ZNF737: variants seen among roughly 807,000 people sequenced by gnomAD.
ZNF737 encodes the protein zinc finger protein 102 (Y3).
Under a neutral mutation model 11.7 loss-of-function variants are expected in ZNF737, and 13 were observed. That is an observed-to-expected ratio of 1.11 (90% CI 0.73 to 1.77). The LOEUF is 1.77. Ranked by LOEUF, ZNF737 falls within the 40% of genes most tolerant of loss-of-function variation. ZNF737 has a pLI of 0.00. For missense variants in ZNF737, 636 were observed against 638.0 expected, an observed-to-expected ratio of 1.00 and a Z score of 0.03; for synonymous variants, 217 against 216.2, an observed-to-expected ratio of 1.00 and a Z score of -0.03.
At chr19:20,536,834 G>A (rs533192065), downstream of ZNF737, among the ~76,000 whole-genome samples, 17 of 152,074 alleles carry the variant, frequency 1.1e-4, no homozygotes, top group Admixed American at 2.0e-4. Flanking sequence ...TCCCAGCTAC[G>A]CAGGAGGTTG....
Position 20,539,343 on chromosome 19 carries a change from C to A in ZNF737, c.*5249G>T. ...ATTACTTGGAAACCCTGGGAAGCCC[C>A]TATAAAATACTCCCTTTGAATACTT... is the stretch of plus-strand genomic sequence containing the variant. On this transcript the variant is annotated 3_prime_UTR_variant, in exon 4 of 4. Coordinates refer to ENST00000427401, the MANE Select transcript of ZNF737 (RefSeq NM_001159293.2). 1 of 985,172 alleles carries A rather than the reference C, an allele frequency of 1.0e-6. No individual in the cohort carries two copies. Among genetic ancestry groups the A allele is most frequent in the Non-Finnish European group, 1.2e-6 (1 of 829,854 alleles). The allele number at this position is 985,172 out of a possible 1,614,324, so 61.0% of individuals were successfully genotyped here. A position where few individuals can be genotyped will look rare whatever the true frequency, so the allele number is the denominator to read the frequency against.
Position 20,543,760 on chromosome 19 carries a change from G to C in ZNF737, c.*832C>G, listed in dbSNP as rs769636835. 29 of 985,192 alleles carry C rather than the reference G, an allele frequency of 2.9e-5. No homozygotes were observed. The highest frequency in any genetic ancestry group is 3.3e-5 in the Non-Finnish European group (27 of 829,900). 61.0% of individuals were successfully genotyped at this position (985,192 alleles called of 1,614,324 possible). A position where few individuals can be genotyped will look rare whatever the true frequency, so the allele number is the denominator to read the frequency against. ...ATGTGTAGAGAAGTTGGAGGTGTTC[G>C]TAAAAGCAATGTCACATTTTTTAGC... On this transcript the variant is annotated 3_prime_UTR_variant, in exon 4 of 4. Coordinates refer to ENST00000427401, the MANE Select transcript of ZNF737 (RefSeq NM_001159293.2).
chr19:20,537,708 G>A (rs1342102550), downstream of ZNF737, among the ~76,000 whole-genome samples: 1 of 150,620 alleles, frequency 6.6e-6, no homozygotes, highest in Non-Finnish European at 1.5e-5. Flanking sequence ...GTAGAGATGG[G>A]GTTTCACCAT....
Position 20,539,692 on chromosome 19 carries a change from T to A in ZNF737, c.*4900A>T. On this transcript the variant is annotated 3_prime_UTR_variant, in exon 4 of 4. Coordinates refer to ENST00000427401, the MANE Select transcript of ZNF737 (RefSeq NM_001159293.2). ...AGAAGTTAATTATTTATAAATTCAT[T>A]GTTTTTAAGGTTTTTCAAATATGAA... is the stretch of plus-strand genomic sequence containing the variant. The A allele has an allele frequency of 1.0e-6, 1 of 959,248 alleles. No individual in the cohort carries two copies. The highest frequency in any genetic ancestry group is 1.2e-6 in the Non-Finnish European group (1 of 806,292). The allele number at this position is 959,248 out of a possible 1,614,324, so 59.4% of individuals were successfully genotyped here.
downstream of ZNF737, chr19:20,536,096 G>A: frequency 1.0e-6 from 1 of 985,240 alleles, no homozygotes; most frequent in Non-Finnish European, 1.2e-6. Context: ...TGTGGATACA[G>A]ATGAGAGTAG....
chr19:20,544,280 T>C lies in ZNF737; in HGVS notation c.*312A>G. On this transcript the variant is annotated 3_prime_UTR_variant, in exon 4 of 4. Transcript: ENST00000427401. The stretch of plus-strand genomic sequence containing the variant: ...ATATTTGTAGGGTTTATGTTCCATA[T>C]AAATTCTCATATTTAGTAAAAGTTG... 1 of 1,183,252 alleles carries C rather than the reference T, an allele frequency of 8.5e-7. No homozygotes were observed. Among genetic ancestry groups the C allele is most frequent in the Non-Finnish European group, 1.0e-6 (1 of 954,828 alleles). The allele number at this position is 1,183,252 out of a possible 1,614,324, so 73.3% of individuals were successfully genotyped here.
downstream of ZNF737, among the ~76,000 whole-genome samples, chr19:20,532,684 G>A (rs1482865054): frequency 2.7e-5 from 4 of 149,552 alleles, no homozygotes; most frequent in Admixed American, 1.3e-4. Context: ...CATTAAACCA[G>A]CCCCATGAGG....
intron 1 of ZNF737, among the ~76,000 whole-genome samples, chr19:20,564,660 A>T (rs1354840773): frequency 3.9e-5 from 6 of 152,092 alleles, no homozygotes; most frequent in African/African-American, 1.4e-4. Context: ...CAAAAAAAAA[A>T]AAATAAAAAT....
intron 3 of ZNF737, 73 bp from the exon 4 acceptor site, chr19:20,546,049 T>C: frequency 6.9e-7 from 1 of 1,457,880 alleles, no homozygotes; most frequent in Non-Finnish European, 9.1e-7. Flanking sequence ...ATCTAACCTA[T>C]ATAATTATAC....
intron 1 of ZNF737, among the ~76,000 whole-genome samples, chr19:20,559,938 G>A (rs541974348): frequency 4.0e-5 from 6 of 151,606 alleles, no homozygotes; most frequent in South Asian, 2.1e-4. Context: ...AGGCCGAGGC[G>A]GGTGGATCAT....
At chr19:20,554,948 C>T (rs2562628) in intron 1 of ZNF737, among the ~76,000 whole-genome samples, 36,214 of 149,466 alleles carry the variant, frequency 0.24, 4,452 homozygotes, top group South Asian at 0.33. Context: ...CTGCAACCTC[C>T]GCCTCCTGTG....
In ZNF737 at chr19:20,550,870, C is replaced by T. The variant is rs182551789; in HGVS notation, c.226+1605G>A. Among the ~76,000 whole-genome samples the T allele has an allele frequency of 1.4e-4, 21 of 152,324 alleles. No homozygotes were observed. In the East Asian group the frequency reaches 3.9e-3, roughly 28 times the overall value. On this transcript the variant is annotated intron_variant, in intron 3 of 3. Transcript: ENST00000427401. ...ATTCACGTGGGAAACTACAGTACCC[C>T]TGTTCATGGCTACAGACCAGGATAG...
intron 3 of ZNF737, among the ~76,000 whole-genome samples, chr19:20,551,459 G>C (rs1404379535): frequency 7.1e-6 from 1 of 141,114 alleles, no homozygotes; most frequent in East Asian, 2.0e-4. Flanking sequence ...AAGAAAGAAA[G>C]AAAGAAATCC....
Position 20,539,840 on chromosome 19 carries a change from A to C in ZNF737, c.*4752T>G. 2.0e-6 allele frequency: 2 copies of C among 985,418 alleles called. No homozygotes were observed. The highest frequency in any genetic ancestry group is 4.7e-5 in the South Asian group (1 of 21,282). The allele number at this position is 985,418 out of a possible 1,614,324, so 61.0% of individuals were successfully genotyped here. A position where few individuals can be genotyped will look rare whatever the true frequency, so the allele number is the denominator to read the frequency against. On this transcript the variant is annotated 3_prime_UTR_variant, in exon 4 of 4. Transcript: ENST00000427401. Reference sequence around the variant, plus strand: ...TCACCAGAATGGTGCAGACATGCTGATTGAATTAGAATGAGTTCAGCCTTG... The same window carrying C: ...TCACCAGAATGGTGCAGACATGCTGCTTGAATTAGAATGAGTTCAGCCTTG...
downstream of ZNF737, among the ~76,000 whole-genome samples, chr19:20,533,170 C>T (rs1315428006): frequency 5.3e-5 from 8 of 150,084 alleles, no homozygotes; most frequent in Non-Finnish European, 1.0e-4. Flanking sequence ...ATTCATCTTC[C>T]AGAAGCGCAC....
chr19:20,562,478 G>A (rs1599439242), intron 1 of ZNF737, among the ~76,000 whole-genome samples: 1 of 151,686 alleles, frequency 6.6e-6, no homozygotes, highest in African/African-American at 2.4e-5. Context: ...CTCATGAGTA[G>A]CTGGGATTAC....
chr19:20,533,658 C>T (rs1295768148), downstream of ZNF737, among the ~76,000 whole-genome samples: 2 of 150,152 alleles, frequency 1.3e-5, no homozygotes, highest in African/African-American at 4.9e-5. Flanking sequence ...CTTCAGGTTT[C>T]AGGCCTTGTA....
At position 20,542,172 on chromosome 19, in the gene ZNF737, G is replaced by T; in HGVS notation, c.*2420C>A. 1.0e-6 allele frequency: 1 copy of T among 984,598 alleles called. No homozygotes were observed. Among genetic ancestry groups the T allele is most frequent in the Non-Finnish European group, 1.2e-6 (1 of 829,372 alleles). 61.0% of individuals were successfully genotyped at this position (984,598 alleles called of 1,614,324 possible). A position where few individuals can be genotyped will look rare whatever the true frequency, so the allele number is the denominator to read the frequency against. On this transcript the variant is annotated 3_prime_UTR_variant, in exon 4 of 4. Transcript: ENST00000427401. ...GTGGCACAATAATGGTTCATTAAAC[G>T]CACGGTAGTCTTACCATGGTAAAAA... is the stretch of plus-strand genomic sequence containing the variant.
rs1285617276 is a variant in ZNF737, at chr19:20,543,652, C to T, written c.*940G>A. The T allele has an allele frequency of 1.0e-4, 99 of 985,314 alleles. No homozygotes were observed. The highest frequency in any genetic ancestry group is 1.1e-4 in the Non-Finnish European group (95 of 829,932). The allele number at this position is 985,314 out of a possible 1,614,324, so 61.0% of individuals were successfully genotyped here. A position where few individuals can be genotyped will look rare whatever the true frequency, so the allele number is the denominator to read the frequency against. ...AGTTTTGCCAGTATGAATTATCCAA[C>T]CTACAATCAAGAGTGGCAACCATAT... On this transcript the variant is annotated 3_prime_UTR_variant, in exon 4 of 4. Transcript: ENST00000427401.
Sources: allele counts gnomAD v4.1 joint callset (sites outside exome capture counted in the v4.1 genomes callset), GRCh38; gene constraint gnomAD v4.1.1; transcripts MANE v1.5; gene names NCBI Gene and HGNC (gene_info 2026-07-23, HGNC 2026-07-21).